Variants in CERS6 observed in about 807,000 individuals in gnomAD.
The protein encoded by CERS6 is LAG1 homolog, ceramide synthase 6.
CERS6 carries 26 observed loss-of-function variants against 56.8 expected under a neutral mutation model. That is an observed-to-expected ratio of 0.46 (90% CI 0.34 to 0.63). The LOEUF is 0.63. Ranked by LOEUF, CERS6 falls within the 30% of genes least tolerant of loss-of-function variation. The pLI is 0.01. For synonymous variants in CERS6, 164 were observed against 173.3 expected (o/e 0.95, Z 0.42); for missense variants, 415 against 467.5 (o/e 0.89, Z 1.04).
intron 4 of CERS6, among the ~76,000 whole-genome samples, chr2:168,674,757 A>T (rs927823421): frequency 6.6e-6 from 1 of 152,152 alleles, no homozygotes; most frequent in Admixed American, 6.5e-5. Context: ...TCCATGTGAT[A>T]TTCAGAGACG....
intron 3 of CERS6, among the ~76,000 whole-genome samples, chr2:168,573,130 CA>C (rs1696021020): frequency 6.6e-6 from 1 of 152,128 alleles, no homozygotes; most frequent in Non-Finnish European, 1.5e-5. Flanking sequence ...CAAAATTTCA[CA>C]GATCACCACA....
chr2:168,710,391 G>T (rs1687060759), intron 6 of CERS6, among the ~76,000 whole-genome samples: 2 of 152,144 alleles, frequency 1.3e-5, no homozygotes. Context: ...GGAAAATATT[G>T]TTCTTTTTAG....
intron 3 of CERS6, among the ~76,000 whole-genome samples, chr2:168,599,707 T>C (rs1574091341): frequency 6.6e-6 from 1 of 152,202 alleles, no homozygotes; most frequent in Admixed American, 6.5e-5. Flanking sequence ...GTTATATATA[T>C]AGTTTGAGGA....
chr2:168,534,673 T>G (rs902264888), intron 1 of CERS6, among the ~76,000 whole-genome samples: 4 of 152,178 alleles, frequency 2.6e-5, no homozygotes, highest in Non-Finnish European at 4.4e-5. Flanking sequence ...ATAGGGTTCC[T>G]GACAACCCCT....
At chr2:168,566,683 C>T (rs1695889461) in intron 3 of CERS6, among the ~76,000 whole-genome samples, 1 of 151,652 alleles carries the variant, frequency 6.6e-6, no homozygotes, top group Non-Finnish European at 1.5e-5. Flanking sequence ...GAAGTGAGGT[C>T]ATATAGGAAA....
chr2:168,765,527 A>G, intron 8 of CERS6, 65 bp from the exon 9 acceptor site: 1 of 1,550,988 alleles, frequency 6.4e-7, no homozygotes, highest in Non-Finnish European at 8.8e-7. Flanking sequence ...TAATGCAGTG[A>G]CTAGAGTTCC....
rs184788527 is a variant in CERS6 at position 168,603,217 on chromosome 2, G to A, written c.408-27768G>A. ...AAAGAGAAGTGGTATATGCCCCAAG[G>A]CCTCATTGGTGATGGGAAGAAATGG... On this transcript the variant is annotated intron_variant, in intron 3 of 9. Transcript: ENST00000305747. 2.0e-5 allele frequency among the ~76,000 whole-genome samples: 3 copies of A among 152,262 alleles called. No individual in the cohort carries two copies. The East Asian group carries it at 5.8e-4, about 29-fold the overall frequency.
chr2:168,660,734 A>G (rs1241340551), intron 4 of CERS6, among the ~76,000 whole-genome samples: 3 of 152,092 alleles, frequency 2.0e-5, no homozygotes, highest in Non-Finnish European at 4.4e-5. Flanking sequence ...GCTATCGCAT[A>G]GTCTTTTTTA....
chr2:168,710,346 A>G (rs1184969304), intron 6 of CERS6, among the ~76,000 whole-genome samples: 3 of 152,250 alleles, frequency 2.0e-5, no homozygotes, highest in Non-Finnish European at 4.4e-5. Flanking sequence ...CAGTGAGCCA[A>G]GAGCAATCAT....
At chr2:168,472,420 A>C (rs918261315) in intron 1 of CERS6, among the ~76,000 whole-genome samples, 1 of 152,182 alleles carries the variant, frequency 6.6e-6, no homozygotes, top group African/African-American at 2.4e-5. Context: ...TATTCCACTT[A>C]AGGAATAGTA....
intron 1 of CERS6, among the ~76,000 whole-genome samples, chr2:168,471,100 A>T (rs1693969778): frequency 6.6e-6 from 1 of 152,180 alleles, no homozygotes; most frequent in African/African-American, 2.4e-5. Context: ...AGGCAAGTAA[A>T]CCAATTTAGG....
intron 1 of CERS6, among the ~76,000 whole-genome samples, chr2:168,472,683 A>G (rs1693999197): frequency 6.6e-6 from 1 of 152,208 alleles, no homozygotes; most frequent in Non-Finnish European, 1.5e-5. Context: ...TATTTGATTA[A>G]TATACTGTTT....
chr2:168,737,556 A>G (rs1683755726), intron 8 of CERS6, among the ~76,000 whole-genome samples: 1 of 152,226 alleles, frequency 6.6e-6, no homozygotes, highest in East Asian at 1.9e-4. Flanking sequence ...GAAATCCTGC[A>G]TGAAATTACC....
chr2:168,706,722 C>A (rs1475389868), intron 6 of CERS6, among the ~76,000 whole-genome samples: 1 of 152,162 alleles, frequency 6.6e-6, no homozygotes, highest in Non-Finnish European at 1.5e-5. Context: ...TTTGGTCTGA[C>A]CCAAATGTGT....
At chr2:168,614,791 A>T (rs1441906603) in intron 3 of CERS6, among the ~76,000 whole-genome samples, 1 of 152,086 alleles carries the variant, frequency 6.6e-6, no homozygotes, top group South Asian at 2.1e-4. Context: ...GGCTCACTCT[A>T]GTAGCTGAAG....
At chr2:168,477,426 A>G (rs1296763345) in intron 1 of CERS6, among the ~76,000 whole-genome samples, 1 of 152,140 alleles carries the variant, frequency 6.6e-6, no homozygotes, top group Non-Finnish European at 1.5e-5. Flanking sequence ...TTCACTTACT[A>G]TATCTTGAAC....
At chr2:168,660,326 C>G (rs1298252954) in intron 4 of CERS6, among the ~76,000 whole-genome samples, 1 of 152,188 alleles carries the variant, frequency 6.6e-6, no homozygotes, top group Non-Finnish European at 1.5e-5. Flanking sequence ...AAACGTCTCA[C>G]CTTGTTTACC....
intron 4 of CERS6, among the ~76,000 whole-genome samples, chr2:168,689,979 G>A (rs1686456624): frequency 6.6e-6 from 1 of 152,068 alleles, no homozygotes; most frequent in South Asian, 2.1e-4. Context: ...TTGAACCTAG[G>A]TAGTTATTCA....
chr2:168,461,695 A>G (rs886616042), intron 1 of CERS6, among the ~76,000 whole-genome samples: 15 of 152,252 alleles, frequency 9.9e-5, no homozygotes, highest in Non-Finnish European at 1.8e-4. Context: ...ATTACTGTTA[A>G]GGGGCAGTGC....
Sources: allele counts gnomAD v4.1 joint callset (sites outside exome capture counted in the v4.1 genomes callset), GRCh38; gene constraint gnomAD v4.1.1; transcripts MANE v1.5; gene names NCBI Gene and HGNC (gene_info 2026-07-23, HGNC 2026-07-21).